The following TOGARAM1 variants were observed in gnomAD, a reference collection of about 807,000 sequenced individuals.
TOGARAM1 encodes TOG array regulator of axonemal microtubules protein 1.
In TOGARAM1, 100 loss-of-function variants were observed where a neutral mutation model predicts 166.6. The ratio of observed to expected loss-of-function variants is 0.60; its 90% CI spans 0.51 to 0.71. The LOEUF (loss-of-function observed/expected upper bound fraction) is 0.71, where lower values mean the gene tolerates loss of function less well. Ranked by LOEUF, TOGARAM1 falls within the 30% of genes least tolerant of loss-of-function variation. The pLI is 0.00. For synonymous variants in TOGARAM1, 758 were observed against 763.8 expected (o/e 0.99, Z 0.13); for missense variants, 2,029 against 2,102.7 (o/e 0.96, Z 0.69).
At chr14:44,990,985 G>T (rs1887096198) in intron 1 of TOGARAM1, among the ~76,000 whole-genome samples, 1 of 117,258 alleles carries the variant, frequency 8.5e-6, no homozygotes, top group African/African-American at 4.0e-5. Context: ...TTGGAGACAA[G>T]GTCTCACTCT....
chr14:44,974,828 T>C (rs1172223393), intron 1 of TOGARAM1, among the ~76,000 whole-genome samples: 1 of 152,200 alleles, frequency 6.6e-6, no homozygotes, highest in East Asian at 1.9e-4. Context: ...CTGATGCTTG[T>C]TCTGTCTCTT....
At position 44,963,099 on chromosome 14, in the gene TOGARAM1, C is replaced by G; in HGVS notation, c.678C>G (p.Thr226=). 6.2e-7 allele frequency: 1 copy of G among 1,614,122 alleles called. No homozygotes were observed. Among genetic ancestry groups the G allele is most frequent in the Non-Finnish European group, 8.5e-7 (1 of 1,180,022 alleles). ...TTATACAACAAGGACTGGAAAGTAC[C>G]GATGCCCGACTTAGAGCTTCCACAG... The part of the protein sequence containing the change: ...RTLIQQGLES[T]DARLRASTAL... Residue 226 remains threonine, a synonymous_variant, in exon 1 of 20, where the codon ACC becomes ACG. Coordinates refer to ENST00000361462, the MANE Select transcript of TOGARAM1 (RefSeq NM_001308120.2).
chr14:45,018,271 C>T (rs1043948177), intron 7 of TOGARAM1, among the ~76,000 whole-genome samples: 2 of 151,594 alleles, frequency 1.3e-5, no homozygotes, highest in Admixed American at 1.3e-4. Context: ...GAAACAGTCT[C>T]GTCTGTTGCT....
intron 16 of TOGARAM1, 24 bp downstream of exon 16, chr14:45,054,573 T>A: frequency 6.7e-7 from 1 of 1,493,332 alleles, no homozygotes; most frequent in Non-Finnish European, 9.3e-7. Flanking sequence ...ATAGTCCTCA[T>A]CAGAGAAATT....
At chr14:45,003,823 A>G (rs1288280714) in intron 3 of TOGARAM1, among the ~76,000 whole-genome samples, 2 of 152,166 alleles carry the variant, frequency 1.3e-5, no homozygotes, top group East Asian at 3.8e-4. Flanking sequence ...TAAAATTACA[A>G]GGAGAAAGTT....
At chr14:45,018,704 C>A (rs1305784937) in intron 7 of TOGARAM1, among the ~76,000 whole-genome samples, 1 of 152,122 alleles carries the variant, frequency 6.6e-6, no homozygotes. Flanking sequence ...TAGTTTAGTA[C>A]TGTTCTGTTT....
chr14:45,063,589 C>T (rs911199121), intron 16 of TOGARAM1, among the ~76,000 whole-genome samples: 5 of 149,786 alleles, frequency 3.3e-5, no homozygotes, highest in African/African-American at 1.2e-4. Flanking sequence ...AAGCAGTTCT[C>T]CTGCCTCAGC....
chr14:45,062,801 G>T (rs1212898158), intron 16 of TOGARAM1, among the ~76,000 whole-genome samples: 3 of 152,120 alleles, frequency 2.0e-5, no homozygotes, highest in Admixed American at 6.5e-5. Context: ...ATGCATTTTT[G>T]ATTTAAAATA....
chr14:45,054,166 C>A lies in TOGARAM1; in HGVS notation c.4441-265C>A, dbSNP rs566504415. Among the ~76,000 whole-genome samples the A allele has an allele frequency of 3.9e-5, 6 of 152,216 alleles. No homozygotes were observed. In the East Asian group the frequency reaches 9.6e-4, roughly 24 times the overall value. On this transcript the variant is annotated intron_variant, in intron 15 of 19. Transcript: ENST00000361462. ...GATTACAGGTGTGAGCCACCACACC[C>A]AGCCCAAAATACAGCATATTAATTT... is the stretch of plus-strand genomic sequence containing the variant.
At position 45,005,993 on chromosome 14, in the gene TOGARAM1, C is replaced by A; in HGVS notation, c.2645-15C>A. The A allele has an allele frequency of 2.6e-6, 4 of 1,528,334 alleles. No homozygotes were observed. Among genetic ancestry groups the A allele is most frequent in the Non-Finnish European group, 3.5e-6 (4 of 1,137,414 alleles). The allele number at this position is 1,528,334 out of a possible 1,614,324, so 94.7% of individuals were successfully genotyped here. ...ATTAGAAAAAGAAAAAGTAAAATAT[C>A]TATTTTTCATGCAGGAGAAAATTCT... On this transcript the variant is annotated splice_polypyrimidine_tract_variant and intron_variant, in intron 4 of 19. Coordinates refer to ENST00000361462, the MANE Select transcript of TOGARAM1 (RefSeq NM_001308120.2).
chr14:45,000,573 T>C (rs1378526943), intron 3 of TOGARAM1, among the ~76,000 whole-genome samples: 1 of 152,222 alleles, frequency 6.6e-6, no homozygotes, highest in Non-Finnish European at 1.5e-5. Flanking sequence ...ATTGTGTATA[T>C]GTACCACATT....
intron 11 of TOGARAM1, among the ~76,000 whole-genome samples, chr14:45,037,063 G>A (rs894107440): frequency 2.0e-5 from 3 of 152,152 alleles, no homozygotes; most frequent in Non-Finnish European, 4.4e-5. Flanking sequence ...CCATGATTCA[G>A]TTACCTCCCT....
intron 13 of TOGARAM1, 73 bp from the exon 14 acceptor site, chr14:45,046,472 C>A (rs548466410): frequency 3.3e-6 from 4 of 1,194,956 alleles, no homozygotes; most frequent in African/African-American, 1.6e-5. Context: ...ACAAAAACAA[C>A]CCATAGATCC....
At chr14:44,972,304 C>G (rs958332999) in intron 1 of TOGARAM1, among the ~76,000 whole-genome samples, 1 of 151,182 alleles carries the variant, frequency 6.6e-6, no homozygotes, top group Middle Eastern at 3.4e-3. Flanking sequence ...CGTGGTATTT[C>G]TTTGTTAGTG....
At position 45,009,120 on chromosome 14, in the gene TOGARAM1, A is replaced by G; in HGVS notation, c.3112A>G (p.Thr1038Ala). 1.9e-6 allele frequency: 3 copies of G among 1,613,368 alleles called. No individual in the cohort carries two copies. Among genetic ancestry groups the G allele is most frequent in the Non-Finnish European group, 2.5e-6 (3 of 1,179,352 alleles). The change falls in exon 6 of 20, where the codon ACA (threonine) becomes GCA (alanine). Residue 1038 changes from threonine (T) to alanine (A), a missense_variant. By Grantham distance (58) the Thr-to-Ala change is moderately conservative. Coordinates refer to ENST00000361462, the MANE Select transcript of TOGARAM1 (RefSeq NM_001308120.2). ...SQESLTSSLS[T>A]TPQGKRIMSD... ...AGAATCATTGACTTCTTCTCTGTCTACAACTCCCCAGGGGAAGAGAATAAT... is the reference window on the plus strand; with the variant it reads ...AGAATCATTGACTTCTTCTCTGTCTGCAACTCCCCAGGGGAAGAGAATAAT...
chr14:45,010,856 C>T (rs1277029807), intron 6 of TOGARAM1, among the ~76,000 whole-genome samples: 1 of 152,114 alleles, frequency 6.6e-6, no homozygotes, highest in Non-Finnish European at 1.5e-5. Flanking sequence ...ACTGAAATTT[C>T]TTCTTTCATC....
At chr14:45,045,571 ATATATATATATATG>A (rs1414528150) in intron 13 of TOGARAM1, among the ~76,000 whole-genome samples, 43 of 40,768 alleles carry the variant, frequency 1.1e-3, no homozygotes, top group Admixed American at 1.9e-3. Flanking sequence ...ATATATATAT[ATATATATATATATG>A]TGTGTGTGTG....
At position 45,068,589 on chromosome 14, in the gene TOGARAM1, C is replaced by G; in HGVS notation, c.4915C>G (p.Pro1639Ala). Reference sequence around the variant, plus strand: ...GGATAACAATCTGAATTCCAAGAATCCAGGCATCTATGCGGCTGCTACAAA... The same window carrying G: ...GGATAACAATCTGAATTCCAAGAATGCAGGCATCTATGCGGCTGCTACAAA... The part of the protein sequence containing the change: ...IVDNNLNSKN[P>A]GIYAAATNVV... The change falls in exon 18 of 20, where the codon CCA becomes GCA. Residue 1639 changes from proline (P) to alanine (A), a missense_variant. By Grantham distance (27) the Pro-to-Ala change is conservative. Coordinates refer to ENST00000361462, the MANE Select transcript of TOGARAM1 (RefSeq NM_001308120.2). The G allele has an allele frequency of 1.9e-6, 3 of 1,613,208 alleles. No homozygotes were observed. Among genetic ancestry groups the G allele is most frequent in the Non-Finnish European group, 2.5e-6 (3 of 1,179,612 alleles).
chr14:44,967,003 T>G (rs1390129486), intron 1 of TOGARAM1, among the ~76,000 whole-genome samples: 3 of 151,846 alleles, frequency 2.0e-5, no homozygotes, highest in Admixed American at 6.5e-5. Context: ...CTAGCCTTAC[T>G]TTGGTTTTTT....
Sources: allele counts gnomAD v4.1 joint callset (sites outside exome capture counted in the v4.1 genomes callset), GRCh38; gene constraint gnomAD v4.1.1; transcripts MANE v1.5; gene names NCBI Gene and HGNC (gene_info 2026-07-23, HGNC 2026-07-21).